CDH13: variants seen among roughly 807,000 people sequenced by gnomAD.
CDH13 encodes the protein cadherin-13.
Under a neutral mutation model 63.8 loss-of-function variants are expected in CDH13, and 24 were observed. That is an observed-to-expected ratio of 0.38 (90% confidence interval 0.27 to 0.53). The LOEUF (loss-of-function observed/expected upper bound fraction) is 0.53, where lower values mean the gene tolerates loss of function less well. Among genes scored for constraint, CDH13 ranks in the 20% least tolerant of loss-of-function variants. CDH13 has a pLI of 0.85. For missense variants in CDH13, 1,049 were observed against 903.1 expected (o/e 1.16, Z -2.07); for synonymous variants, 503 against 355.3 (o/e 1.42, Z -4.67).
At chr16:82,954,482 T>C (rs1231613249) in intron 2 of CDH13, 1 of 152,134 alleles carries the variant, frequency 6.6e-6, no homozygotes, top group Non-Finnish European at 1.5e-5. Context: ...TGAGTTGAAA[T>C]AACTTATCCA....
intron 7 of CDH13, among the ~76,000 whole-genome samples, chr16:83,576,519 A>G (rs183884856): frequency 6.6e-6 from 1 of 152,308 alleles, no homozygotes; most frequent in East Asian, 1.9e-4. Flanking sequence ...TGGGGTATAT[A>G]TCTAGAAGTA....
At chr16:83,062,123 A>G (rs1188875596) in intron 3 of CDH13, among the ~76,000 whole-genome samples, 1 of 152,234 alleles carries the variant, frequency 6.6e-6, no homozygotes, top group South Asian at 2.1e-4. Context: ...TGAGCTTTGC[A>G]TCTGGAAAGA....
intron 4 of CDH13, among the ~76,000 whole-genome samples, chr16:83,159,696 A>G (rs1317091097): frequency 6.6e-6 from 1 of 152,222 alleles, no homozygotes; most frequent in Non-Finnish European, 1.5e-5. Flanking sequence ...CGTACATGGC[A>G]TCCATTTAAC....
At chr16:83,237,665 CTA>C (rs1270683512) in intron 5 of CDH13, among the ~76,000 whole-genome samples, 1 of 152,142 alleles carries the variant, frequency 6.6e-6, no homozygotes, top group Non-Finnish European at 1.5e-5. Context: ...TCACGTGGGC[CTA>C]TGTTTTAACA....
intron 2 of CDH13, among the ~76,000 whole-genome samples, chr16:82,897,682 C>T (rs1189777084): frequency 6.6e-6 from 1 of 152,230 alleles, no homozygotes; most frequent in African/African-American, 2.4e-5. Flanking sequence ...GCTATTAATG[C>T]TGTACATTGC....
chr16:82,654,933 A>T (rs1482967422), intron 1 of CDH13, among the ~76,000 whole-genome samples: 1 of 152,182 alleles, frequency 6.6e-6, no homozygotes, highest in Non-Finnish European at 1.5e-5. Context: ...ATACAGGCAA[A>T]GTAGCTGAGG....
intron 11 of CDH13, among the ~76,000 whole-genome samples, chr16:83,749,823 C>T (rs1912929337): frequency 6.6e-6 from 1 of 152,128 alleles, no homozygotes; most frequent in South Asian, 2.1e-4. Context: ...CCCAGAGAAG[C>T]CCCTGTCCAG....
At chr16:83,410,413 A>G (rs1051192695) in intron 6 of CDH13, among the ~76,000 whole-genome samples, 1 of 152,146 alleles carries the variant, frequency 6.6e-6, no homozygotes, top group African/African-American at 2.4e-5. Flanking sequence ...AAATATGAAA[A>G]TTCATGTTGC....
Position 82,678,904 on chromosome 16 carries a change from C to A in CDH13, c.45+51767C>A, listed in dbSNP as rs890775663. On this transcript the variant is annotated intron_variant, in intron 1 of 13. Coordinates refer to ENST00000567109, the MANE Select transcript of CDH13 (RefSeq NM_001257.5). ...CTGCCCTCAGCCTAGAAAGAAAAGG[C>A]CAATAATTGGGACTGTGTGGTTCCA... Among the ~76,000 whole-genome samples, 13 of 152,252 alleles carry A rather than the reference C, an allele frequency of 8.5e-5. No individual in the cohort carries two copies. The East Asian group carries it at 2.5e-3, about 29-fold the overall frequency.
chr16:82,832,998 G>C (rs1211204039), intron 1 of CDH13, among the ~76,000 whole-genome samples: 3 of 152,152 alleles, frequency 2.0e-5, no homozygotes, highest in Admixed American at 1.3e-4. Flanking sequence ...TGTGTTATGT[G>C]AGTGAGCTGC....
At chr16:82,995,550 C>A (rs1436608599) in intron 2 of CDH13, among the ~76,000 whole-genome samples, 3 of 152,166 alleles carry the variant, frequency 2.0e-5, no homozygotes, top group African/African-American at 7.2e-5. Context: ...ATCAAGCCAC[C>A]ATTCCAATTC....
chr16:83,040,448 G>A (rs1267179320), intron 3 of CDH13, among the ~76,000 whole-genome samples: 1 of 152,184 alleles, frequency 6.6e-6, no homozygotes, highest in African/African-American at 2.4e-5. Context: ...TGTGGCCGAA[G>A]GCCCCAGAGC....
At chr16:83,216,003 C>T (rs2039494490) in intron 4 of CDH13, among the ~76,000 whole-genome samples, 1 of 147,514 alleles carries the variant, frequency 6.8e-6, no homozygotes, top group South Asian at 2.3e-4. Flanking sequence ...CATACTTTGA[C>T]CCCAACTGCT....
intron 6 of CDH13, among the ~76,000 whole-genome samples, chr16:83,468,474 G>A (rs1385632227): frequency 6.6e-6 from 1 of 152,174 alleles, no homozygotes; most frequent in Non-Finnish European, 1.5e-5. Flanking sequence ...CCAAATATCC[G>A]AAATCCTAAG....
At chr16:83,336,804 G>T (rs1468176833) in intron 5 of CDH13, among the ~76,000 whole-genome samples, 1 of 152,186 alleles carries the variant, frequency 6.6e-6, no homozygotes, top group Non-Finnish European at 1.5e-5. Flanking sequence ...TTCTGATTCT[G>T]TTGATCTAGA....
chr16:83,206,418 G>A (rs1436821728), intron 4 of CDH13, among the ~76,000 whole-genome samples: 2 of 152,182 alleles, frequency 1.3e-5, no homozygotes, highest in Non-Finnish European at 2.9e-5. Flanking sequence ...CTCCTCCAGT[G>A]TCACCCATGA....
intron 11 of CDH13, among the ~76,000 whole-genome samples, chr16:83,756,326 A>G (rs1913503470): frequency 6.6e-6 from 1 of 152,248 alleles, no homozygotes; most frequent in South Asian, 2.1e-4. Context: ...AAAATCAGCA[A>G]ACTGGATGCT....
At chr16:83,395,022 C>G (rs1052914864) in intron 6 of CDH13, among the ~76,000 whole-genome samples, 1 of 151,970 alleles carries the variant, frequency 6.6e-6, no homozygotes, top group Non-Finnish European at 1.5e-5. Flanking sequence ...GTGGTGGGCA[C>G]CTGTAATCCC....
intron 6 of CDH13, among the ~76,000 whole-genome samples, chr16:83,456,138 C>T (rs1275058886): frequency 6.6e-6 from 1 of 152,226 alleles, no homozygotes; most frequent in East Asian, 1.9e-4. Flanking sequence ...TGGGGAGTCA[C>T]CTGTGTGCCA....
Sources: allele counts gnomAD v4.1 joint callset (sites outside exome capture counted in the v4.1 genomes callset), GRCh38; gene constraint gnomAD v4.1.1; transcripts MANE v1.5; gene names NCBI Gene and HGNC (gene_info 2026-07-23, HGNC 2026-07-21).